ICE1: variants seen among roughly 807,000 people sequenced by gnomAD.
ICE1 encodes the protein little elongation complex subunit 1.
ICE1 carries 64 observed loss-of-function variants against 192.7 expected under a neutral mutation model. The observed-to-expected ratio is 0.33, with a 90% confidence interval of 0.27 to 0.41. The LOEUF (loss-of-function observed/expected upper bound fraction) is 0.41. Ranked by LOEUF, ICE1 falls within the 10% of genes least tolerant of loss-of-function variation. The pLI is 1.00. For synonymous variants in ICE1, 1,010 were observed against 984.5 expected (o/e 1.03, Z -0.49); for missense variants, 2,708 against 2,696.0 (o/e 1.00, Z -0.10).
chr5:5,434,317 G>C (rs1388672385), intron 1 of ICE1, among the ~76,000 whole-genome samples: 1 of 152,158 alleles, frequency 6.6e-6, no homozygotes, highest in African/African-American at 2.4e-5. Context: ...GCCTTAGTCA[G>C]TTCAGGAAGG....
At chr5:5,468,355 G>C (rs907498763) in intron 14 of ICE1, among the ~76,000 whole-genome samples, 2 of 152,116 alleles carry the variant, frequency 1.3e-5, no homozygotes, top group African/African-American at 4.8e-5. Flanking sequence ...CAAATTCATT[G>C]AACTTTATAC....
intron 17 of ICE1, among the ~76,000 whole-genome samples, chr5:5,478,197 A>G (rs1340160215): frequency 6.6e-6 from 1 of 152,244 alleles, no homozygotes; most frequent in Admixed American, 6.5e-5. Context: ...ACATGATTGT[A>G]TATTTAGAAA....
In ICE1 at chr5:5,486,705, G is replaced by C. The variant is rs1739647654; in HGVS notation, c.6521-16G>C. On this transcript the variant is annotated splice_polypyrimidine_tract_variant and intron_variant, in intron 17 of 18. Transcript: ENST00000296564. ...CATTTAACTGGACTGTTTACATTTT[G>C]GTTTGTTTCCCCTAGGTCGTTTAGG... 4 of 1,529,440 alleles carry C rather than the reference G, an allele frequency of 2.6e-6. No homozygotes were observed. Among genetic ancestry groups the C allele is most frequent in the African/African-American group, 1.4e-5 (1 of 73,386 alleles). The allele number at this position is 1,529,440 out of a possible 1,614,324, so 94.7% of individuals were successfully genotyped here. A position where few individuals can be genotyped will look rare whatever the true frequency, so the allele number is the denominator to read the frequency against.
chr5:5,485,512 G>A (rs892517876), intron 17 of ICE1, among the ~76,000 whole-genome samples: 12 of 152,110 alleles, frequency 7.9e-5, no homozygotes, highest in South Asian at 2.1e-4. Context: ...TTTCAAATAC[G>A]GATATTCTTT....
Position 5,462,661 on chromosome 5 carries a change from A to G in ICE1, c.3327A>G (p.Val1109=). The G allele has an allele frequency of 6.2e-7, 1 of 1,614,010 alleles. No individual in the cohort carries two copies. The highest frequency in any genetic ancestry group is 8.5e-7 in the Non-Finnish European group (1 of 1,179,874). The part of the protein sequence containing the change: ...GIREGGDDTE[V]ESEAFSCSEG... ...GAGAGGGGGGAGACGACACTGAGGT[A>G]GAGAGTGAGGCATTTAGCTGCAGTG... Residue 1109 remains valine (V), a synonymous_variant, in exon 13 of 19, where the codon GTA becomes GTG. Transcript: ENST00000296564.
chr5:5,446,712 A>T (rs1422713268), intron 7 of ICE1, among the ~76,000 whole-genome samples: 1 of 152,230 alleles, frequency 6.6e-6, no homozygotes, highest in African/African-American at 2.4e-5. Context: ...AAAAAAATTT[A>T]TCGGTGTGAC....
At chr5:5,477,283 C>T (rs1739345787) in intron 17 of ICE1, among the ~76,000 whole-genome samples, 1 of 151,972 alleles carries the variant, frequency 6.6e-6, no homozygotes, top group Non-Finnish European at 1.5e-5. Flanking sequence ...CAAATAGACA[C>T]AATAAAAAAT....
intron 1 of ICE1, among the ~76,000 whole-genome samples, chr5:5,426,010 G>C (rs1442379840): frequency 6.6e-6 from 1 of 152,146 alleles, no homozygotes; most frequent in East Asian, 1.9e-4. Flanking sequence ...AAGGTGGAAG[G>C]GACTGAAGTT....
Position 5,460,713 on chromosome 5 carries a change from G to C in ICE1, c.1379G>C (p.Gly460Ala). Residue 460 changes from glycine (G) to alanine (A), a missense_variant, in exon 13 of 19, where the codon GGT (glycine) becomes GCT (alanine). By Grantham distance (60) the Gly-to-Ala change is moderately conservative. Transcript: ENST00000296564. Reference sequence around the variant, plus strand: ...TCTTCTGCCACACACTCCTTAGTTGGTGAAAAACACTGGACCACAGCATCT... The same window carrying C: ...TCTTCTGCCACACACTCCTTAGTTGCTGAAAAACACTGGACCACAGCATCT... ...RESSATHSLV[G>A]EKHWTTASRS... 2 of 1,613,938 alleles carry C rather than the reference G, an allele frequency of 1.2e-6. No individual in the cohort carries two copies. Among genetic ancestry groups the C allele is most frequent in the South Asian group, 2.2e-5 (2 of 91,084 alleles).
At chr5:5,440,703 A>C (rs996909603) in intron 4 of ICE1, among the ~76,000 whole-genome samples, 2 of 151,996 alleles carry the variant, frequency 1.3e-5, no homozygotes, top group Non-Finnish European at 2.9e-5. Context: ...TCAAATAGTA[A>C]ATAGTACTAC....
Position 5,429,454 on chromosome 5 carries a change from G to A in ICE1, c.84+6455G>A, listed in dbSNP as rs1737633519. 2.6e-5 allele frequency among the ~76,000 whole-genome samples: 4 copies of A among 152,250 alleles called. No homozygotes were observed. In the South Asian group the frequency reaches 8.3e-4, roughly 32 times the overall value. On this transcript the variant is annotated intron_variant, in intron 1 of 18. Coordinates refer to ENST00000296564, the MANE Select transcript of ICE1 (RefSeq NM_015325.3). ...AATTGTTTGCTGCACACACACCTTG[G>A]AGCTTGGGGAGTGCTACAGCCAGCT...
At position 5,458,903 on chromosome 5, in the gene ICE1, C is replaced by T. The variant is rs1036488888; in HGVS notation, c.1101+1162C>T. On this transcript the variant is annotated intron_variant, in intron 12 of 18. Transcript: ENST00000296564. ...TTTCTTTTTTTTTGAGACAGAGTCT[C>T]ACTCTGTTGCCCAGACTGGAGCACA... Among the ~76,000 whole-genome samples the T allele has an allele frequency of 5.9e-5, 9 of 152,114 alleles. No individual in the cohort carries two copies. In the South Asian group the frequency reaches 1.7e-3, roughly 28 times the overall value.
In ICE1 at chr5:5,448,010, C is replaced by G. The variant is rs971677188; in HGVS notation, c.604+113C>G. 7 of 728,212 alleles carry G rather than the reference C, an allele frequency of 9.6e-6. No homozygotes were observed. In the African/African-American group the frequency reaches 1.2e-4, roughly 13 times the overall value. 45.1% of individuals were successfully genotyped at this position (728,212 alleles called of 1,614,324 possible). ...AAGTGCCAGGGCTTAGTAGATGTTT[C>G]GTTTTAGTAGAAGTCATATATTATT... On this transcript the variant is annotated intron_variant, in intron 10 of 18. Coordinates refer to ENST00000296564, the MANE Select transcript of ICE1 (RefSeq NM_015325.3).
chr5:5,474,071 G>A (rs1425462899), intron 16 of ICE1, among the ~76,000 whole-genome samples: 8 of 151,930 alleles, frequency 5.3e-5, no homozygotes, highest in Non-Finnish European at 1.0e-4. Context: ...TTAGCTGGGC[G>A]TGGTGGTGGG....
At position 5,489,415 on chromosome 5, in the gene ICE1, G is replaced by T; in HGVS notation, c.*85G>T. 8.1e-7 allele frequency: 1 copy of T among 1,231,900 alleles called. No homozygotes were observed. Among genetic ancestry groups the T allele is most frequent in the East Asian group, 2.6e-5 (1 of 38,642 alleles). 76.3% of individuals were successfully genotyped at this position (1,231,900 alleles called of 1,614,324 possible). A position where few individuals can be genotyped will look rare whatever the true frequency, so the allele number is the denominator to read the frequency against. ...ATCAGCTTTCAGAATACAAAGGGAG[G>T]TTTCAAAACAAAAAGACATAAAATA... On this transcript the variant is annotated 3_prime_UTR_variant, in exon 19 of 19. Coordinates refer to ENST00000296564, the MANE Select transcript of ICE1 (RefSeq NM_015325.3).
In ICE1 at chr5:5,462,451, C is replaced by T. The variant is rs1451750858; in HGVS notation, c.3117C>T (p.Thr1039=). 4 of 1,613,984 alleles carry T rather than the reference C, an allele frequency of 2.5e-6. No homozygotes were observed. The highest frequency in any genetic ancestry group is 3.4e-6 in the Non-Finnish European group (4 of 1,179,886). The change falls in exon 13 of 19, where the codon ACC becomes ACT. Residue 1039 remains threonine (T), a synonymous_variant. Transcript: ENST00000296564. ...CCCTGGCTGTTGCAAATGATTCTAC[C>T]AGCACACCACAAAATGCTAATGGAC... ...GEALAVANDS[T]STPQNANGLW...
At chr5:5,429,501 C>T (rs1011530140) in intron 1 of ICE1, among the ~76,000 whole-genome samples, 3 of 152,158 alleles carry the variant, frequency 2.0e-5, no homozygotes, top group Non-Finnish European at 2.9e-5. Context: ...GGGATTCTGC[C>T]GAACATCCCG....
chr5:5,462,331 C>A lies in ICE1; in HGVS notation c.2997C>A (p.Gly999=), dbSNP rs773595958. 5.0e-6 allele frequency: 8 copies of A among 1,613,848 alleles called. No individual in the cohort carries two copies. The highest frequency in any genetic ancestry group is 1.3e-5 in the African/African-American group (1 of 74,914). ...ATCTGGACTCCAGTGGGACACATGGCAGTGAGATGCTTCCAGCCACAGAAG... is the reference window on the plus strand; with the variant it reads ...ATCTGGACTCCAGTGGGACACATGGAAGTGAGATGCTTCCAGCCACAGAAG... The part of the protein sequence containing the change: ...ATDLDSSGTH[G]SEMLPATEVT... The change falls in exon 13 of 19, where the codon GGC becomes GGA. Residue 999 remains glycine, a synonymous_variant. Coordinates refer to ENST00000296564, the MANE Select transcript of ICE1 (RefSeq NM_015325.3).
chr5:5,435,326 CATT>C (rs139098864), intron 1 of ICE1, among the ~76,000 whole-genome samples: 2,252 of 152,150 alleles, frequency 0.015, 52 homozygotes, highest in African/African-American at 0.052. Flanking sequence ...AAAAGGCAGA[CATT>C]ATCATAAAGG....
Sources: allele counts gnomAD v4.1 joint callset (sites outside exome capture counted in the v4.1 genomes callset), GRCh38; gene constraint gnomAD v4.1.1; transcripts MANE v1.5; gene names NCBI Gene and HGNC (gene_info 2026-07-23, HGNC 2026-07-21).